FOXJ3: variants seen among roughly 807,000 people sequenced by gnomAD.
FOXJ3 encodes the protein forkhead box protein J3.
In FOXJ3, 22 loss-of-function variants were observed where a neutral mutation model predicts 76.1. The observed-to-expected ratio is 0.29, with a 90% CI of 0.21 to 0.41. The LOEUF (loss-of-function observed/expected upper bound fraction) is 0.41. Among genes scored for constraint, FOXJ3 ranks in the 10% least tolerant of loss-of-function variants. The pLI, the probability that FOXJ3 is intolerant of heterozygous loss-of-function variation, is 1.00. For synonymous variants in FOXJ3, 269 were observed against 261.2 expected (o/e 1.03, Z -0.29); for missense variants, 613 against 762.1 (o/e 0.80, Z 2.30).
chr1:42,201,459 T>G lies in FOXJ3; in HGVS notation c.631-2229A>C, dbSNP rs184964100. On this transcript the variant is annotated intron_variant, in intron 6 of 12. Coordinates refer to ENST00000361346, the MANE Select transcript of FOXJ3 (RefSeq NM_014947.5). ...TTTATTAAGTCATGACCTCTGAGTA[T>G]GCCTTTGTAATATTCCGTATAAAAT... 2.6e-5 allele frequency among the ~76,000 whole-genome samples: 4 copies of G among 152,352 alleles called. 1 individual carries two copies. Among genetic ancestry groups the G allele is most frequent in the African/African-American group, 9.6e-5 (4 of 41,580 alleles).
chr1:42,288,156 T>C (rs746196712), intron 2 of FOXJ3, among the ~76,000 whole-genome samples: 1 of 152,340 alleles, frequency 6.6e-6, no homozygotes, highest in South Asian at 2.1e-4. Flanking sequence ...GTATTTTGCA[T>C]TTAAATCTCA....
intron 2 of FOXJ3, among the ~76,000 whole-genome samples, chr1:42,286,925 C>T (rs1195961691): frequency 1.3e-5 from 2 of 152,020 alleles, no homozygotes; most frequent in Admixed American, 6.6e-5. Flanking sequence ...TGAGCCACCA[C>T]GCCCAGCCAA....
At chr1:42,273,534 G>A (rs914691232) in intron 3 of FOXJ3, among the ~76,000 whole-genome samples, 3 of 151,800 alleles carry the variant, frequency 2.0e-5, no homozygotes, top group Non-Finnish European at 4.4e-5. Flanking sequence ...AAATAGCTAG[G>A]CATAGTGGCA....
chr1:42,255,414 A>G (rs906488143), intron 4 of FOXJ3, among the ~76,000 whole-genome samples: 3 of 152,206 alleles, frequency 2.0e-5, no homozygotes, highest in African/African-American at 7.2e-5. Flanking sequence ...AGAATCCTAT[A>G]AACTATCTGA....
At chr1:42,215,073 G>C (rs761803310) in intron 5 of FOXJ3, among the ~76,000 whole-genome samples, 17 of 152,122 alleles carry the variant, frequency 1.1e-4, no homozygotes, top group Non-Finnish European at 2.4e-4. Context: ...TATTCACAAT[G>C]TCTAGGACAC....
intron 11 of FOXJ3, among the ~76,000 whole-genome samples, chr1:42,185,426 T>G (rs923779397): frequency 4.0e-5 from 6 of 151,384 alleles, no homozygotes; most frequent in African/African-American, 1.5e-4. Flanking sequence ...CCTGGCTAAT[T>G]TTTTTGTATT....
At chr1:42,290,169 C>G (rs543722243) in intron 2 of FOXJ3, among the ~76,000 whole-genome samples, 2 of 151,980 alleles carry the variant, frequency 1.3e-5, no homozygotes, top group South Asian at 4.2e-4. Flanking sequence ...CAACAGTTAT[C>G]AAAGAAGAGA....
At chr1:42,316,333 C>CTTTTTTTTTTTTT (rs71065173) in intron 1 of FOXJ3, among the ~76,000 whole-genome samples, 12,693 of 73,170 alleles carry the variant, frequency 0.17, 2,899 homozygotes, top group Admixed American at 0.2. Context: ...TGCATTGGGC[C>CTTTTTTTTTTTTT]TTTTTTTTTT....
intron 4 of FOXJ3, among the ~76,000 whole-genome samples, chr1:42,242,346 T>C (rs191498744): frequency 1.3e-5 from 2 of 151,372 alleles, no homozygotes; most frequent in Non-Finnish European, 3.0e-5. Flanking sequence ...AGAACACAAA[T>C]AAACAGTACA....
At chr1:42,232,242 G>C (rs1208646486) in intron 4 of FOXJ3, among the ~76,000 whole-genome samples, 4 of 148,784 alleles carry the variant, frequency 2.7e-5, no homozygotes, top group Non-Finnish European at 4.5e-5. Context: ...ATTGTGAATA[G>C]TGCTGCAATA....
rs1303852772 is a variant in FOXJ3 at position 42,191,520 on chromosome 1, C to T, written c.1134G>A (p.Gln378=). 5.0e-6 allele frequency: 8 copies of T among 1,613,864 alleles called. No homozygotes were observed. Among genetic ancestry groups the T allele is most frequent in the African/African-American group, 4.0e-5 (3 of 74,840 alleles). ...GTCGATGGGGAGGATGTGGAGATGG[C>T]TGTGTGTGCATCTGGGGGTGAGACA... ...VSLSHPQMHT[Q]PSPHPPHRPH... Residue 378 remains glutamine, a synonymous_variant, in exon 9 of 13, where the codon CAG becomes CAA. Transcript: ENST00000361346.
chr1:42,280,619 A>C (rs1359111967), intron 2 of FOXJ3, among the ~76,000 whole-genome samples: 1 of 152,132 alleles, frequency 6.6e-6, no homozygotes, highest in Non-Finnish European at 1.5e-5. Flanking sequence ...GAATCCCTTC[A>C]GTAATGAAAA....
chr1:42,277,543 A>G (rs1448528383), intron 3 of FOXJ3, among the ~76,000 whole-genome samples: 2,602 of 21,074 alleles, frequency 0.12, 190 homozygotes, highest in Admixed American at 0.15. Context: ...CACGCCTGTA[A>G]TCCCAGCACT....
rs114323654 is a variant in FOXJ3 at position 42,264,250 on chromosome 1, G to C, written c.444+865C>G. On this transcript the variant is annotated intron_variant, in intron 4 of 12. Coordinates refer to ENST00000361346, the MANE Select transcript of FOXJ3 (RefSeq NM_014947.5). The stretch of plus-strand genomic sequence containing the variant: ...TGGAAAACTTCAAGTAGTTCTTCAT[G>C]ATGAGTCTTGAATGAGGTGAATTAT... 3.1e-3 allele frequency among the ~76,000 whole-genome samples: 474 copies of C among 152,124 alleles called. 2 individuals carry two copies. The highest frequency in any genetic ancestry group is 0.011 in the African/African-American group (460 of 41,516).
intron 3 of FOXJ3, among the ~76,000 whole-genome samples, chr1:42,266,336 A>G (rs529487076): frequency 6.6e-6 from 1 of 152,138 alleles, no homozygotes. Context: ...CTCTCTCCCA[A>G]AGAGAAAACC....
At chr1:42,191,878 T>C (rs1646555560) in intron 8 of FOXJ3, among the ~76,000 whole-genome samples, 159 bp from the exon 9 acceptor site, 1 of 152,168 alleles carries the variant, frequency 6.6e-6, no homozygotes, top group African/African-American at 2.4e-5. Flanking sequence ...CTAGGCTCTG[T>C]GGTTATTGAG....
At chr1:42,185,252 A>ATTTTTTTTTTTTTTTTTTTTTTTTTTTTT (rs36007346) in intron 11 of FOXJ3, among the ~76,000 whole-genome samples, 1 of 108,288 alleles carries the variant, frequency 9.2e-6, no homozygotes. Flanking sequence ...AACATACTGA[A>ATTTTTTTTTTTTTTTTTTTTTTTTTTTTT]TTTTTTTTTT....
intron 4 of FOXJ3, among the ~76,000 whole-genome samples, chr1:42,237,708 T>C (rs540768946): frequency 1.3e-5 from 2 of 151,882 alleles, no homozygotes; most frequent in African/African-American, 4.8e-5. Context: ...TACTCCAAGA[T>C]AGCAAATATA....
intron 4 of FOXJ3, among the ~76,000 whole-genome samples, chr1:42,260,492 G>A (rs1650949936): frequency 6.6e-6 from 1 of 152,050 alleles, no homozygotes; most frequent in Non-Finnish European, 1.5e-5. Flanking sequence ...CTTGAGGCCA[G>A]GAGTTCAAGA....
Sources: gnomAD v4.1 joint callset for allele counts (sites outside exome capture counted in the v4.1 genomes callset) on GRCh38, gnomAD v4.1.1 for gene constraint, MANE v1.5 for transcripts, NCBI Gene and HGNC (gene_info 2026-07-23, HGNC 2026-07-21) for gene names.